ATP11A: variants seen among roughly 807,000 people sequenced by gnomAD.
ATP11A encodes ATPase phospholipid transporting 11A, also known as phospholipid-transporting ATPase IH.
Under a neutral mutation model 154.4 loss-of-function variants are expected in ATP11A, and 81 were observed. The ratio of observed to expected loss-of-function variants is 0.52; its 90% confidence interval spans 0.44 to 0.63. ATP11A has a LOEUF of 0.63. Ranked by LOEUF, ATP11A falls within the 30% of genes least tolerant of loss-of-function variation. The pLI is 0.00. For missense variants in ATP11A, 1,316 were observed against 1,474.3 expected (o/e 0.89, Z 1.76); for synonymous variants, 623 against 585.9 (o/e 1.06, Z -0.91).
intron 16 of ATP11A, among the ~76,000 whole-genome samples, chr13:112,840,889 C>T (rs2079395199): frequency 6.6e-6 from 1 of 152,156 alleles, no homozygotes; most frequent in African/African-American, 2.4e-5. Context: ...CCCTGGGGAC[C>T]ACTGCCTGCC....
intron 3 of ATP11A, 115 bp from the exon 4 acceptor site, chr13:112,806,098 A>G (rs1274919422): frequency 1.6e-5 from 11 of 695,554 alleles, no homozygotes; most frequent in Non-Finnish European, 2.5e-5. Flanking sequence ...GGTGCCAGCA[A>G]AGGTCTTTAA....
intron 1 of ATP11A, among the ~76,000 whole-genome samples, chr13:112,749,503 T>C (rs542781816): frequency 5.9e-5 from 9 of 152,130 alleles, no homozygotes; most frequent in Non-Finnish European, 1.2e-4. Context: ...GTCTTACAGA[T>C]AAAAATAAGC....
chr13:112,703,012 A>T (rs146415559), intron 1 of ATP11A, among the ~76,000 whole-genome samples: 1 of 152,258 alleles, frequency 6.6e-6, no homozygotes, highest in Non-Finnish European at 1.5e-5. Flanking sequence ...CTTGTTGCTG[A>T]GATTACAAAC....
chr13:112,821,142 TG>T (rs1295403561), intron 8 of ATP11A, among the ~76,000 whole-genome samples: 2 of 152,204 alleles, frequency 1.3e-5, no homozygotes, highest in Admixed American at 1.3e-4. Context: ...AATTTGTGTT[TG>T]AACAGACTTA....
At chr13:112,853,609 CCTT>C (rs1191564846) in intron 18 of ATP11A, among the ~76,000 whole-genome samples, 2 of 152,214 alleles carry the variant, frequency 1.3e-5, no homozygotes, top group African/African-American at 4.8e-5. Flanking sequence ...ACCCCCGACA[CCTT>C]CTGCAGCGTC....
At chr13:112,808,736 A>G (rs2078399245) in intron 4 of ATP11A, among the ~76,000 whole-genome samples, 1 of 151,940 alleles carries the variant, frequency 6.6e-6, no homozygotes, top group Admixed American at 6.5e-5. Flanking sequence ...CTGGGCACTG[A>G]CGGGCATCTC....
At chr13:112,812,128 T>G (rs1343001230) in intron 5 of ATP11A, 2 of 152,184 alleles carry the variant, frequency 1.3e-5, no homozygotes, top group Non-Finnish European at 2.9e-5. Flanking sequence ...TCTCAATATG[T>G]TTCAAAATAT....
At chr13:112,755,607 ATCATGGAAGCG>A (rs1349903187) in intron 1 of ATP11A, among the ~76,000 whole-genome samples, 2 of 148,394 alleles carry the variant, frequency 1.3e-5, no homozygotes, top group Non-Finnish European at 3.0e-5. Flanking sequence ...ACCATTTCCA[ATCATGGAAGCG>A]TCACTCAGAG....
intron 25 of ATP11A, among the ~76,000 whole-genome samples, chr13:112,865,111 C>T (rs569176611): frequency 9.1e-6 from 1 of 110,340 alleles, no homozygotes; most frequent in African/African-American, 3.4e-5. Flanking sequence ...GCCCATGCAG[C>T]TTCCCAGCGG....
chr13:112,841,543 C>A (rs1294058699), intron 16 of ATP11A, among the ~76,000 whole-genome samples: 1 of 145,206 alleles, frequency 6.9e-6, no homozygotes, highest in African/African-American at 2.6e-5. Context: ...ACTTCAGGTG[C>A]AGAGGGGGCT....
chr13:112,881,253 C>T (rs994186006), intron 29 of ATP11A: 46 of 992,762 alleles, frequency 4.6e-5, no homozygotes, highest in Admixed American at 3.4e-4. Flanking sequence ...CCACAGGGCC[C>T]GTGCACATCC....
rs563951518 is a variant in ATP11A, at chr13:112,877,048, C to T, written c.3327+1107C>T. ...TGCCTCCTGCCACAGTTTGTAAAAT[C>T]AGAGCGAGCAAAACTCGTGGTGAAG... On this transcript the variant is annotated intron_variant, in intron 28 of 29. Transcript: ENST00000375645. Among the ~76,000 whole-genome samples, 4 of 152,366 alleles carry T rather than the reference C, an allele frequency of 2.6e-5. No homozygotes were observed. In the East Asian group the frequency reaches 7.7e-4, roughly 29 times the overall value.
intron 1 of ATP11A, among the ~76,000 whole-genome samples, chr13:112,749,105 C>T (rs368328595): frequency 3.3e-5 from 5 of 152,356 alleles, no homozygotes; most frequent in South Asian, 4.1e-4. Flanking sequence ...GCGTCCCCAG[C>T]GGCCTCCCTG....
At chr13:112,772,638 G>T (rs935174640) in intron 1 of ATP11A, among the ~76,000 whole-genome samples, 3 of 152,074 alleles carry the variant, frequency 2.0e-5, no homozygotes, top group Non-Finnish European at 2.9e-5. Context: ...CCTGTCCCCA[G>T]CTCCCCTCCC....
intron 1 of ATP11A, among the ~76,000 whole-genome samples, chr13:112,741,722 C>T (rs960632323): frequency 6.6e-6 from 1 of 152,150 alleles, no homozygotes; most frequent in African/African-American, 2.4e-5. Flanking sequence ...CAGTGGATGC[C>T]GGCTGTTTTT....
intron 1 of ATP11A, among the ~76,000 whole-genome samples, chr13:112,775,256 T>G (rs2077319530): frequency 6.6e-6 from 1 of 152,202 alleles, no homozygotes; most frequent in South Asian, 2.1e-4. Flanking sequence ...GGCGTGAAGC[T>G]CTGCTGTGAA....
chr13:112,816,330 G>A, intron 6 of ATP11A, 119 bp downstream of exon 6: 1 of 1,298,432 alleles, frequency 7.7e-7, no homozygotes. Context: ...ATGTAACCCA[G>A]GGAGTTACAC....
chr13:112,886,533 A>C lies in ATP11A; in HGVS notation c.*4667A>C, dbSNP rs949332826. ...AGGAAAAATATCAGTTGGCAAATGC[A>C]ATCTTTTTTTTTTTTAAGCTAAAGG... On this transcript the variant is annotated 3_prime_UTR_variant, in exon 30 of 30. Transcript: ENST00000375645. 3 of 152,196 alleles carry C rather than the reference A, an allele frequency of 2.0e-5. No homozygotes were observed. Among genetic ancestry groups the C allele is most frequent in the Admixed American group, 2.0e-4 (3 of 15,250 alleles). The allele number at this position is 152,196 out of a possible 1,614,324, so 9.4% of individuals were successfully genotyped here. A position where few individuals can be genotyped will look rare whatever the true frequency, so the allele number is the denominator to read the frequency against.
intron 1 of ATP11A, among the ~76,000 whole-genome samples, chr13:112,704,479 G>A (rs1414830509): frequency 2.0e-5 from 3 of 152,248 alleles, no homozygotes; most frequent in Admixed American, 1.3e-4. Context: ...CTGCCCCCGC[G>A]TTGTCTTATC....
Sources: allele counts gnomAD v4.1 joint callset (sites outside exome capture counted in the v4.1 genomes callset), GRCh38; gene constraint gnomAD v4.1.1; transcripts MANE v1.5; gene names NCBI Gene and HGNC (gene_info 2026-07-23, HGNC 2026-07-21).